Variants in TNFSF4 observed in about 807,000 individuals in gnomAD.
TNFSF4 encodes the protein TNF superfamily member 4, also known as tumor necrosis factor ligand superfamily member 4.
TNFSF4 carries 4 observed loss-of-function variants against 7.3 expected under a neutral mutation model. That is an observed-to-expected ratio of 0.55 (90% CI 0.27 to 1.25). The LOEUF is 1.25. Ranked by LOEUF, TNFSF4 falls within the 50% of genes most tolerant of loss-of-function variation. TNFSF4 has a pLI of 0.12. For missense variants in TNFSF4, 181 were observed against 208.8 expected (o/e 0.87, Z 0.82); for synonymous variants, 76 against 83.7 (o/e 0.91, Z 0.50).
chr1:173,368,395 G>A, the TNFSF4 span, among the ~76,000 whole-genome samples: 1 of 152,182 alleles, frequency 6.6e-6, no homozygotes, highest in Admixed American at 6.6e-5. Context: ...GACACATCTT[G>A]TGGGCTCCTC....
the TNFSF4 span, among the ~76,000 whole-genome samples, chr1:173,270,083 C>A: frequency 6.6e-6 from 1 of 152,114 alleles, no homozygotes; most frequent in African/African-American, 2.4e-5. Flanking sequence ...CAAGAAAGAG[C>A]AAAGTCAAGA....
chr1:173,398,673 G>A, the TNFSF4 span, among the ~76,000 whole-genome samples: 5 of 152,048 alleles, frequency 3.3e-5, no homozygotes, highest in Non-Finnish European at 5.9e-5. Flanking sequence ...TGATCCACCC[G>A]CCTCAGCCTC....
At chr1:173,196,002 A>G (rs1293625632) in intron 1 of TNFSF4, among the ~76,000 whole-genome samples, 1 of 152,202 alleles carries the variant, frequency 6.6e-6, no homozygotes, top group Admixed American at 6.5e-5. Context: ...GCATGACCTC[A>G]CAAGCTCTCA....
chr1:173,325,566 T>C, the TNFSF4 span, among the ~76,000 whole-genome samples: 7 of 152,084 alleles, frequency 4.6e-5, no homozygotes, highest in Non-Finnish European at 8.8e-5. Flanking sequence ...AAAAAATCAA[T>C]GAATCCAGGA....
chr1:173,310,671 C>CTT, the TNFSF4 span, among the ~76,000 whole-genome samples: 23 of 144,640 alleles, frequency 1.6e-4, no homozygotes, highest in African/African-American at 5.8e-4. Flanking sequence ...TGTACTTTTT[C>CTT]TTTTTTTTTT....
chr1:173,375,063 C>A, the TNFSF4 span, among the ~76,000 whole-genome samples: 1 of 152,208 alleles, frequency 6.6e-6, no homozygotes, highest in African/African-American at 2.4e-5. Flanking sequence ...ACTCTTAAAC[C>A]AACCTCTGGA....
the TNFSF4 span, among the ~76,000 whole-genome samples, chr1:173,239,183 T>G: frequency 6.6e-6 from 1 of 152,154 alleles, no homozygotes; most frequent in African/African-American, 2.4e-5. Context: ...CACGTCCAAT[T>G]CACATCAGAG....
chr1:173,380,524 C>CA, the TNFSF4 span, among the ~76,000 whole-genome samples: 1 of 152,090 alleles, frequency 6.6e-6, no homozygotes, highest in East Asian at 1.9e-4. Flanking sequence ...TCAGGGCCTC[C>CA]AAAAATCATC....
the TNFSF4 span, chr1:173,175,311 A>T: frequency 6.6e-6 from 1 of 152,216 alleles, no homozygotes; most frequent in East Asian, 1.9e-4. Context: ...CAACCATATT[A>T]TTCTAGTGTC....
chr1:173,365,018 T>C, the TNFSF4 span, among the ~76,000 whole-genome samples: 1 of 151,828 alleles, frequency 6.6e-6, no homozygotes, highest in Non-Finnish European at 1.5e-5. Context: ...AGCCCAGGTA[T>C]TGAGGCTGCA....
At chr1:173,229,561 G>T in the TNFSF4 span, among the ~76,000 whole-genome samples, 3 of 152,130 alleles carry the variant, frequency 2.0e-5, no homozygotes, top group African/African-American at 7.2e-5. Context: ...CATAGTGACA[G>T]GATCAAATCC....
chr1:173,220,316 T>C, the TNFSF4 span, among the ~76,000 whole-genome samples: 6 of 152,194 alleles, frequency 3.9e-5, no homozygotes, highest in South Asian at 1.2e-3. Context: ...TAACCTGTTT[T>C]AAACATAGGT....
At chr1:173,421,867 T>C in the TNFSF4 span, among the ~76,000 whole-genome samples, 2 of 152,048 alleles carry the variant, frequency 1.3e-5, no homozygotes, top group African/African-American at 2.4e-5. Context: ...CAAAACAAAA[T>C]AAAACTGTAA....
chr1:173,380,196 C>A, the TNFSF4 span, among the ~76,000 whole-genome samples: 1 of 152,176 alleles, frequency 6.6e-6, no homozygotes, highest in Non-Finnish European at 1.5e-5. Flanking sequence ...AGACTTTGCT[C>A]TTTTCACATG....
the TNFSF4 span, among the ~76,000 whole-genome samples, chr1:173,261,850 CAA>C: frequency 7.0e-6 from 1 of 142,434 alleles, no homozygotes. Flanking sequence ...ACCTACCAAC[CAA>C]AAAAAAAGCC....
At chr1:173,224,327 C>G in the TNFSF4 span, among the ~76,000 whole-genome samples, 1 of 152,200 alleles carries the variant, frequency 6.6e-6, no homozygotes, top group African/African-American at 2.4e-5. Flanking sequence ...CTCACTGGTA[C>G]TCCAGCCCTG....
chr1:173,333,387 T>C, the TNFSF4 span, among the ~76,000 whole-genome samples: 2 of 152,138 alleles, frequency 1.3e-5, no homozygotes, highest in East Asian at 3.9e-4. Context: ...CCTGCTGCCT[T>C]CACGTTGAGA....
the TNFSF4 span, among the ~76,000 whole-genome samples, chr1:173,178,447 G>C: frequency 6.6e-6 from 1 of 152,080 alleles, no homozygotes; most frequent in Non-Finnish European, 1.5e-5. Flanking sequence ...GGTAGCTGGC[G>C]CCTGTAGTCC....
At chr1:173,272,965 G>A in the TNFSF4 span, among the ~76,000 whole-genome samples, 1 of 152,106 alleles carries the variant, frequency 6.6e-6, no homozygotes, top group Non-Finnish European at 1.5e-5. Context: ...CCCATTGAGT[G>A]AGAAGTTGCT....
Sources: gnomAD v4.1 joint callset for allele counts (sites outside exome capture counted in the v4.1 genomes callset) on GRCh38, gnomAD v4.1.1 for gene constraint, MANE v1.5 for transcripts, NCBI Gene and HGNC (gene_info 2026-07-23, HGNC 2026-07-21) for gene names.